The following PCDH7 variants were observed in gnomAD, a reference collection of about 807,000 sequenced individuals.
PCDH7 encodes the protein protocadherin 7, also known as protocadherin-7.
Under a neutral mutation model 58.9 loss-of-function variants are expected in PCDH7, and 17 were observed. That is an observed-to-expected ratio of 0.29 (90% CI 0.20 to 0.43). PCDH7 has a LOEUF of 0.43. Ranked by LOEUF, PCDH7 falls within the 20% of genes least tolerant of loss-of-function variation. The pLI, the probability that PCDH7 is intolerant of heterozygous loss-of-function variation, is 1.00. For synonymous variants in PCDH7, 664 were observed against 616.4 expected (o/e 1.08, Z -1.14); for missense variants, 1,274 against 1,441.0 (o/e 0.88, Z 1.88).
chr4:30,961,693 TG>T (rs1400990774), intron 3 of PCDH7, among the ~76,000 whole-genome samples: 1 of 152,216 alleles, frequency 6.6e-6, no homozygotes, highest in African/African-American at 2.4e-5. Context: ...GCAATATTGG[TG>T]TTTGCTTTCT....
chr4:31,116,254 T>C (rs1716970364), intron 3 of PCDH7, among the ~76,000 whole-genome samples: 1 of 152,218 alleles, frequency 6.6e-6, no homozygotes, highest in South Asian at 2.1e-4. Flanking sequence ...GCTGTAATTC[T>C]CTGGAAAAGC....
At chr4:30,811,860 G>T (rs1028584001) in intron 1 of PCDH7, among the ~76,000 whole-genome samples, 1 of 152,124 alleles carries the variant, frequency 6.6e-6, no homozygotes, top group African/African-American at 2.4e-5. Context: ...CACTGGAGCT[G>T]GGCCTTGAAG....
chr4:31,001,545 CCA>C (rs111567838), intron 3 of PCDH7, among the ~76,000 whole-genome samples: 29 of 151,808 alleles, frequency 1.9e-4, no homozygotes, highest in African/African-American at 6.3e-4. Flanking sequence ...ACCATCATAC[CCA>C]CACACACACG....
At chr4:31,009,413 A>G (rs977830317) in intron 3 of PCDH7, among the ~76,000 whole-genome samples, 1 of 151,988 alleles carries the variant, frequency 6.6e-6, no homozygotes, top group African/African-American at 2.4e-5. Context: ...AGGTGTGCAT[A>G]CATTCACATA....
chr4:30,778,923 T>C (rs1407458811), intron 1 of PCDH7, among the ~76,000 whole-genome samples: 3 of 151,318 alleles, frequency 2.0e-5, no homozygotes, highest in African/African-American at 4.9e-5. Context: ...ACATGTCCTG[T>C]CACATCTCTG....
intron 2 of PCDH7, among the ~76,000 whole-genome samples, chr4:30,935,845 C>G (rs1436483342): frequency 1.3e-5 from 2 of 152,036 alleles, no homozygotes; most frequent in Admixed American, 1.3e-4. Flanking sequence ...TAGAAATCAA[C>G]TTTTATGGGC....
At chr4:30,999,741 G>T (rs1156631539) in intron 3 of PCDH7, among the ~76,000 whole-genome samples, 1 of 152,126 alleles carries the variant, frequency 6.6e-6, no homozygotes, top group African/African-American at 2.4e-5. Flanking sequence ...AGTAAATTTA[G>T]AGAGTGATTA....
chr4:30,909,143 A>C (rs1741389552), intron 1 of PCDH7, among the ~76,000 whole-genome samples: 1 of 152,192 alleles, frequency 6.6e-6, no homozygotes, highest in Non-Finnish European at 1.5e-5. Context: ...CTTCATGCTA[A>C]AAACACTCAA....
intron 1 of PCDH7, among the ~76,000 whole-genome samples, chr4:30,855,916 C>T (rs1296404665): frequency 6.6e-6 from 1 of 152,018 alleles, no homozygotes; most frequent in Non-Finnish European, 1.5e-5. Flanking sequence ...AGTAAAATGT[C>T]GGATCTGTCG....
intron 3 of PCDH7, among the ~76,000 whole-genome samples, chr4:31,090,683 T>C (rs1486734501): frequency 6.6e-6 from 1 of 152,116 alleles, no homozygotes; most frequent in African/African-American, 2.4e-5. Context: ...TTTCTTCCTC[T>C]ATAACTCAAC....
intron 3 of PCDH7, among the ~76,000 whole-genome samples, chr4:30,982,943 G>A (rs1253581411): frequency 2.0e-5 from 3 of 152,126 alleles, no homozygotes; most frequent in Admixed American, 6.5e-5. Context: ...ATTGTTTTAA[G>A]CATTAAACAT....
rs758940918 is a variant in PCDH7 at position 30,722,463 on chromosome 4, C to T, written c.1041C>T (p.Phe347=). The change falls in exon 1 of 2, where the codon TTC becomes TTT. Residue 347 remains phenylalanine, a synonymous_variant. Transcript: ENST00000361762. This position sits in a 1 kb window ranked among gnomAD's most constrained non-coding sequence, Gnocchi z 7.6. Reference sequence around the variant, plus strand: ...TCAACGGGCAGATCGAATACGTGTTCGGGGCGGCCACCGAGTCGGTGAGGC... The same window carrying T: ...TCAACGGGCAGATCGAATACGTGTTTGGGGCGGCCACCGAGTCGGTGAGGC... 2 of 1,610,030 alleles carry T rather than the reference C, an allele frequency of 1.2e-6. No homozygotes were observed. The highest frequency in any genetic ancestry group is 2.2e-5 in the East Asian group (1 of 44,802).
At chr4:30,731,871 TAGCCTAGAAAATAA>T (rs1217890098) in exon 2 of PCDH7, 1 of 13,454 alleles carries the variant, frequency 7.4e-5, no homozygotes, top group Non-Finnish European at 1.5e-4. Context: ...GCCTAGAAAA[TAGCCTAGAAAATAA>T]GTGTTCCATA....
intron 3 of PCDH7, among the ~76,000 whole-genome samples, chr4:31,021,395 G>C (rs931947793): frequency 6.6e-6 from 1 of 152,124 alleles, no homozygotes; most frequent in Non-Finnish European, 1.5e-5. Context: ...ACCAACATGG[G>C]CTAGAAAGAA....
chr4:30,812,132 T>C (rs957696564), intron 1 of PCDH7, among the ~76,000 whole-genome samples: 1 of 152,178 alleles, frequency 6.6e-6, no homozygotes, highest in African/African-American at 2.4e-5. Context: ...TCTCTGAGAA[T>C]TAAAGCTTTA....
intron 3 of PCDH7, among the ~76,000 whole-genome samples, chr4:31,056,296 A>C (rs1757157284): frequency 6.6e-6 from 1 of 151,706 alleles, no homozygotes; most frequent in Non-Finnish European, 1.5e-5. Flanking sequence ...TGAGCCGAGG[A>C]GGTCGAAGCT....
intron 1 of PCDH7, among the ~76,000 whole-genome samples, chr4:30,865,346 G>A (rs565966929): frequency 1.3e-5 from 2 of 152,126 alleles, no homozygotes; most frequent in South Asian, 2.1e-4. Flanking sequence ...TTATAGGAAG[G>A]GGGGCTTTTA....
chr4:30,910,257 T>C (rs553091960), intron 1 of PCDH7, among the ~76,000 whole-genome samples: 1 of 152,222 alleles, frequency 6.6e-6, no homozygotes, highest in African/African-American at 2.4e-5. Flanking sequence ...ATTCAGGACA[T>C]AGGCATGGGC....
At chr4:31,050,487 C>T (rs974006650) in intron 3 of PCDH7, among the ~76,000 whole-genome samples, 8 of 152,184 alleles carry the variant, frequency 5.3e-5, no homozygotes, top group African/African-American at 1.9e-4. Context: ...AAGGACTGTC[C>T]TCTGTTCAGA....
Sources: gnomAD v4.1 joint callset for allele counts (sites outside exome capture counted in the v4.1 genomes callset) on GRCh38, gnomAD v4.1.1 for gene constraint, Gnocchi (gnomAD v3.1) non-coding constraint, MANE v1.5 for transcripts, NCBI Gene and HGNC (gene_info 2026-07-23, HGNC 2026-07-21) for gene names.